EEA1: variants seen among roughly 807,000 people sequenced by gnomAD.
EEA1 encodes early endosome antigen 1, 162kD.
A neutral mutation model predicts 209.2 loss-of-function variants in EEA1; 111 were observed. The ratio of observed to expected loss-of-function variants is 0.53; its 90% confidence interval spans 0.45 to 0.62. The LOEUF (loss-of-function observed/expected upper bound fraction) is 0.62. Ranked by LOEUF, EEA1 falls within the 20% of genes least tolerant of loss-of-function variation. The pLI is 0.00. For missense variants in EEA1, 1,343 were observed against 1,530.8 expected (o/e 0.88, Z 2.05); for synonymous variants, 536 against 540.6 (o/e 0.99, Z 0.12).
At chr12:92,835,818 A>G (rs1876906282) in intron 10 of EEA1, among the ~76,000 whole-genome samples, 4 of 152,150 alleles carry the variant, frequency 2.6e-5, no homozygotes, top group Admixed American at 2.6e-4. Flanking sequence ...ATTATTACAA[A>G]CATGAAAGAG....
intron 16 of EEA1, among the ~76,000 whole-genome samples, chr12:92,812,145 C>G (rs950580054): frequency 5.3e-5 from 8 of 152,076 alleles, no homozygotes; most frequent in African/African-American, 1.9e-4. Context: ...GCCTGACCAA[C>G]ATGGTGAAAC....
At position 92,782,139 on chromosome 12, in the gene EEA1, AC is replaced by A. The variant is rs1337064061; in HGVS notation, c.3151-5del. 2 of 1,587,412 alleles carry A rather than the reference AC, an allele frequency of 1.3e-6. No homozygotes were observed. The highest frequency in any genetic ancestry group is 2.3e-5 in the South Asian group (2 of 87,850). ...GAGAAAGCTTCTCTTCTACAGACTT[AC>A]AAAAACAATTTTCCCAAATTATTAT... On this transcript the variant is annotated splice_polypyrimidine_tract_variant and splice_region_variant and intron_variant, in intron 22 of 28. Transcript: ENST00000322349.
At chr12:92,807,319 A>G (rs1392812218) in intron 18 of EEA1, among the ~76,000 whole-genome samples, 1 of 152,158 alleles carries the variant, frequency 6.6e-6, no homozygotes, top group African/African-American at 2.4e-5. Context: ...GAATCTCAGA[A>G]AAACCTACAG....
Position 92,781,901 on chromosome 12 carries a change from G to C in EEA1, c.3336+49C>G, listed in dbSNP as rs752501997. The C allele has an allele frequency of 2.6e-6, 4 of 1,531,980 alleles. No individual in the cohort carries two copies. The South Asian group carries it at 5.0e-5, about 19-fold the overall frequency. 94.9% of individuals were successfully genotyped at this position (1,531,980 alleles called of 1,614,324 possible). ...AGAGGTTTGACTGGATGATCTCTAAGACAACTGTAACTCTAAGATTGTAGA... is the reference window on the plus strand; with the variant it reads ...AGAGGTTTGACTGGATGATCTCTAACACAACTGTAACTCTAAGATTGTAGA... On this transcript the variant is annotated intron_variant, in intron 23 of 28. Transcript: ENST00000322349.
chr12:92,879,255 C>A, intron 2 of EEA1: 1 of 371,990 alleles, frequency 2.7e-6, no homozygotes, highest in Non-Finnish European at 5.2e-6. Context: ...ACCAGTTGGA[C>A]ATCCTAATCC....
At chr12:92,891,506 A>G in intron 2 of EEA1, 123 bp downstream of exon 2, 1 of 721,706 alleles carries the variant, frequency 1.4e-6, no homozygotes, top group Non-Finnish European at 2.2e-6. Flanking sequence ...CAAAAGTCAC[A>G]TTCCAACTTT....
intron 10 of EEA1, among the ~76,000 whole-genome samples, chr12:92,834,807 ATTTGT>A (rs1164346154): frequency 6.6e-6 from 1 of 152,100 alleles, no homozygotes; most frequent in Admixed American, 6.5e-5. Context: ...ATAATTCTAC[ATTTGT>A]TTTGTTTAGG....
rs1452212962 is a variant in EEA1 at position 92,771,757 on chromosome 12, T to G, written c.*4254A>C. On this transcript the variant is annotated 3_prime_UTR_variant, in exon 29 of 29. Coordinates refer to ENST00000322349, the MANE Select transcript of EEA1 (RefSeq NM_003566.4). Reference sequence around the variant, plus strand: ...ATAAACTAACCTCGGAGGTGAGCAGTGGACTAGGATGAGGTGGCCTCTCAA... The same window carrying G: ...ATAAACTAACCTCGGAGGTGAGCAGGGGACTAGGATGAGGTGGCCTCTCAA... 2 of 152,060 alleles carry G rather than the reference T, an allele frequency of 1.3e-5. No homozygotes were observed. Among genetic ancestry groups the G allele is most frequent in the African/African-American group, 4.8e-5 (2 of 41,440 alleles). The allele number at this position is 152,060 out of a possible 1,614,324, so 9.4% of individuals were successfully genotyped here.
intron 17 of EEA1, among the ~76,000 whole-genome samples, chr12:92,810,864 G>T (rs2136674562): frequency 6.6e-6 from 1 of 152,050 alleles, no homozygotes; most frequent in East Asian, 1.9e-4. Context: ...AATCCAAAGG[G>T]TATAAAGTTC....
chr12:92,917,603 A>G (rs1037308967), intron 1 of EEA1, among the ~76,000 whole-genome samples: 1 of 152,086 alleles, frequency 6.6e-6, no homozygotes, highest in African/African-American at 2.4e-5. Flanking sequence ...AGCGCTAAAC[A>G]TGGAAAGGAA....
chr12:92,772,411 G>A lies in EEA1; in HGVS notation c.*3600C>T, dbSNP rs1368873577. ...AAAACACCACTGTCTATATCCAAGTGCAAAGTCCTAATATTCTGTAAATAA... is the reference window on the plus strand; with the variant it reads ...AAAACACCACTGTCTATATCCAAGTACAAAGTCCTAATATTCTGTAAATAA... On this transcript the variant is annotated 3_prime_UTR_variant, in exon 29 of 29. Transcript: ENST00000322349. 1.3e-5 allele frequency: 2 copies of A among 151,704 alleles called. No individual in the cohort carries two copies. The allele number at this position is 151,704 out of a possible 1,614,324, so 9.4% of individuals were successfully genotyped here.
At chr12:92,857,618 T>A (rs1877939399) in intron 3 of EEA1, 133 bp from the exon 4 acceptor site, 1 of 509,276 alleles carries the variant, frequency 2.0e-6, no homozygotes, top group Non-Finnish European at 3.3e-6. Context: ...ACGGAAGATT[T>A]TATCTATAAT....
intron 15 of EEA1, among the ~76,000 whole-genome samples, chr12:92,815,579 T>C (rs1295163575): frequency 6.6e-6 from 1 of 152,196 alleles, no homozygotes; most frequent in Non-Finnish European, 1.5e-5. Context: ...TAAATTTCTA[T>C]TCTATATCAT....
At chr12:92,835,399 C>CT in intron 10 of EEA1, 1 of 236,628 alleles carries the variant, frequency 4.2e-6, no homozygotes, top group Non-Finnish European at 8.9e-6. Flanking sequence ...TAGTTTCACT[C>CT]CTTTTTTTTT....
intron 9 of EEA1, among the ~76,000 whole-genome samples, 175 bp from the exon 10 acceptor site, chr12:92,842,756 A>AT (rs1298078687): frequency 8.5e-5 from 13 of 152,290 alleles, no homozygotes; most frequent in African/African-American, 3.1e-4. Context: ...CTTACGACAA[A>AT]TTTTTACAAT....
intron 2 of EEA1, among the ~76,000 whole-genome samples, chr12:92,889,246 C>T (rs1433259984): frequency 6.6e-6 from 1 of 150,446 alleles, no homozygotes; most frequent in African/African-American, 2.4e-5. Context: ...CAATGTACTC[C>T]ACCACCATGT....
At chr12:92,865,965 T>C (rs1038596147) in intron 2 of EEA1, among the ~76,000 whole-genome samples, 5 of 150,826 alleles carry the variant, frequency 3.3e-5, no homozygotes, top group African/African-American at 1.2e-4. Flanking sequence ...GGCCCGGTGG[T>C]CTCGAACTCC....
intron 2 of EEA1, among the ~76,000 whole-genome samples, chr12:92,866,641 C>G (rs1292706266): frequency 6.6e-6 from 1 of 152,106 alleles, no homozygotes; most frequent in African/African-American, 2.4e-5. Flanking sequence ...TATAACAATG[C>G]AATGGTTTTA....
chr12:92,897,198 C>T (rs575624896), intron 1 of EEA1, among the ~76,000 whole-genome samples: 15 of 152,324 alleles, frequency 9.8e-5, no homozygotes, highest in Non-Finnish European at 1.8e-4. Flanking sequence ...AGGCTACTCC[C>T]TTTGACCTTT....
Sources: allele counts gnomAD v4.1 joint callset (sites outside exome capture counted in the v4.1 genomes callset), GRCh38; gene constraint gnomAD v4.1.1; transcripts MANE v1.5; gene names NCBI Gene and HGNC (gene_info 2026-07-23, HGNC 2026-07-21).